Variants in AFAP1 observed in about 807,000 individuals in gnomAD.
AFAP1 encodes the protein actin filament associated protein 1.
Under a neutral mutation model 93.9 loss-of-function variants are expected in AFAP1, and 75 were observed. That is an observed-to-expected ratio of 0.80 (90% CI 0.66 to 0.97). AFAP1 has a LOEUF of 0.97. AFAP1 is among the 50% of genes least tolerant of loss of function. AFAP1 has a pLI of 0.00. For missense variants in AFAP1, 1,201 were observed against 1,050.8 expected, an observed-to-expected ratio of 1.14 and a Z score of -1.98; for synonymous variants, 517 against 430.7, an observed-to-expected ratio of 1.20 and a Z score of -2.48.
intron 3 of AFAP1, 114 bp from the exon 4 acceptor site, chr4:7,855,688 G>A (rs1577300405): frequency 2.2e-5 from 19 of 859,986 alleles, no homozygotes; most frequent in East Asian, 1.3e-4. Context: ...TAAAGTCTTC[G>A]GCAAAAGAGA....
At chr4:7,924,472 G>T (rs887053899) in intron 1 of AFAP1, among the ~76,000 whole-genome samples, 2 of 152,180 alleles carry the variant, frequency 1.3e-5, no homozygotes, top group Non-Finnish European at 2.9e-5. Context: ...TGGCGCCTAG[G>T]TACTATTGTT....
intron 11 of AFAP1, among the ~76,000 whole-genome samples, chr4:7,792,631 G>T (rs1717970575): frequency 1.3e-5 from 2 of 152,072 alleles, no homozygotes; most frequent in Non-Finnish European, 2.9e-5. Flanking sequence ...CTAGTTCTAT[G>T]AGCACCTCAC....
chr4:7,875,363 T>C (rs1717433921), intron 1 of AFAP1, among the ~76,000 whole-genome samples: 2 of 152,220 alleles, frequency 1.3e-5, no homozygotes, highest in Non-Finnish European at 2.9e-5. Flanking sequence ...GCTGGGCGAT[T>C]TTCCCTTCTA....
intron 3 of AFAP1, among the ~76,000 whole-genome samples, chr4:7,865,826 G>A (rs1181307480): frequency 6.6e-6 from 1 of 152,228 alleles, no homozygotes; most frequent in Non-Finnish European, 1.5e-5. Flanking sequence ...AAGAGTCCAT[G>A]ACAGTCACAG....
chr4:7,863,658 G>A (rs1288729244), intron 3 of AFAP1, among the ~76,000 whole-genome samples: 2 of 152,074 alleles, frequency 1.3e-5, no homozygotes, highest in Admixed American at 6.5e-5. Flanking sequence ...AGACACATTA[G>A]CCAGGTGGAA....
At chr4:7,922,889 G>C (rs1035076106) in intron 1 of AFAP1, among the ~76,000 whole-genome samples, 3 of 152,144 alleles carry the variant, frequency 2.0e-5, no homozygotes, top group African/African-American at 7.2e-5. Context: ...AGCTACTCAG[G>C]AGGCTGGGGC....
intron 6 of AFAP1, among the ~76,000 whole-genome samples, chr4:7,836,950 C>T (rs148197828): frequency 5.8e-4 from 88 of 152,096 alleles, no homozygotes; most frequent in African/African-American, 2.0e-3. Context: ...TAATGCCTAG[C>T]GTGAACTTGA....
rs17852983 is a variant in AFAP1, at chr4:7,939,696, G to A, written c.-43C>T. On this transcript the variant is annotated 5_prime_UTR_variant, in exon 1 of 18. Coordinates refer to ENST00000420658, the MANE Select transcript of AFAP1 (RefSeq NM_001134647.2). This position sits in a 1 kb window ranked among gnomAD's most constrained non-coding sequence, Gnocchi z 5.6. ...CGCAGCGCTCGCTCCTCGCCGCGGCGCCTGGGCCGACTGGAGCGCAGCTGA... is the reference window on the plus strand; with the variant it reads ...CGCAGCGCTCGCTCCTCGCCGCGGCACCTGGGCCGACTGGAGCGCAGCTGA... 2 of 416,572 alleles carry A rather than the reference G, an allele frequency of 4.8e-6. No individual in the cohort carries two copies. The highest frequency in any genetic ancestry group is 5.2e-5 in the Admixed American group (2 of 38,218). The allele number at this position is 416,572 out of a possible 1,614,324, so 25.8% of individuals were successfully genotyped here. A position where few individuals can be genotyped will look rare whatever the true frequency, so the allele number is the denominator to read the frequency against.
At chr4:7,806,968 G>C (rs745919554) in intron 9 of AFAP1, among the ~76,000 whole-genome samples, 1 of 152,128 alleles carries the variant, frequency 6.6e-6, no homozygotes, top group Non-Finnish European at 1.5e-5. Flanking sequence ...GATCTTTCGG[G>C]GGAAGGGATA....
At chr4:7,830,576 T>C (rs919066984) in intron 6 of AFAP1, among the ~76,000 whole-genome samples, 7 of 151,814 alleles carry the variant, frequency 4.6e-5, no homozygotes, top group African/African-American at 9.7e-5. Flanking sequence ...TGAATGGTTA[T>C]ATACACATAT....
chr4:7,789,433 C>G (rs2149001263), intron 11 of AFAP1, among the ~76,000 whole-genome samples: 1 of 145,810 alleles, frequency 6.9e-6, no homozygotes, highest in South Asian at 2.2e-4. Flanking sequence ...CTCACCACCC[C>G]ATCCGTGCAT....
intron 1 of AFAP1, among the ~76,000 whole-genome samples, chr4:7,888,117 A>ATG (rs1718236992): frequency 6.6e-6 from 1 of 152,218 alleles, no homozygotes; most frequent in Non-Finnish European, 1.5e-5. Flanking sequence ...GTGAGCCACC[A>ATG]CGCCCAGCCC....
At chr4:7,814,766 G>A (rs747998517) in intron 8 of AFAP1, among the ~76,000 whole-genome samples, 10 of 152,214 alleles carry the variant, frequency 6.6e-5, no homozygotes, top group Admixed American at 3.3e-4. Context: ...AGAGGCAGAC[G>A]GGGGAGAAAG....
rs1369038386 is a variant in AFAP1 at position 7,763,563 on chromosome 4, A to C, written c.*202T>G. ...TAACAAAGTTGGGAACCAAAGTCTT[A>C]CATCTTTTTTAAAGGCGCCATTTTA... On this transcript the variant is annotated 3_prime_UTR_variant, in exon 18 of 18. Transcript: ENST00000420658. 1 of 591,270 alleles carries C rather than the reference A, an allele frequency of 1.7e-6. No homozygotes were observed. Among genetic ancestry groups the C allele is most frequent in the African/African-American group, 1.9e-5 (1 of 53,330 alleles). 36.6% of individuals were successfully genotyped at this position (591,270 alleles called of 1,614,324 possible).
intron 5 of AFAP1, among the ~76,000 whole-genome samples, chr4:7,841,107 C>T (rs898089409): frequency 4.6e-5 from 7 of 152,196 alleles, no homozygotes; most frequent in African/African-American, 1.4e-4. Flanking sequence ...CCTGGGAAGC[C>T]GCCTCTATAG....
intron 1 of AFAP1, among the ~76,000 whole-genome samples, chr4:7,905,477 A>C (rs150705785): frequency 9.3e-4 from 141 of 152,376 alleles, no homozygotes; most frequent in African/African-American, 3.1e-3. Context: ...CACAAACTGA[A>C]ATCCCAAAGC....
chr4:7,897,844 G>A (rs979121442), intron 1 of AFAP1, among the ~76,000 whole-genome samples: 4 of 152,080 alleles, frequency 2.6e-5, no homozygotes, highest in African/African-American at 9.7e-5. Context: ...GCAACACTTC[G>A]TGGCATCTCT....
intron 7 of AFAP1, 110 bp downstream of exon 7, chr4:7,818,966 C>CT (rs76083938): frequency 0.082 from 87,280 of 1,064,694 alleles, 7,987 homozygotes; most frequent in East Asian, 0.5. Context: ...TGCACTTTTT[C>CT]TTTTTTAACT....
chr4:7,899,382 C>T (rs116286356), intron 1 of AFAP1, among the ~76,000 whole-genome samples: 12 of 152,112 alleles, frequency 7.9e-5, no homozygotes, highest in Admixed American at 3.9e-4. Context: ...GGGTGAATGA[C>T]GAGTTAAGAA....
Sources: gnomAD v4.1 joint callset for allele counts (sites outside exome capture counted in the v4.1 genomes callset) on GRCh38, gnomAD v4.1.1 for gene constraint, Gnocchi (gnomAD v3.1) non-coding constraint, MANE v1.5 for transcripts, NCBI Gene and HGNC (gene_info 2026-07-23, HGNC 2026-07-21) for gene names.